Variants in FER1L5 observed in about 807,000 individuals in gnomAD.
FER1L5 encodes fer-1 like family member 5.
FER1L5 carries 187 observed loss-of-function variants against 279.9 expected under a neutral mutation model. The observed-to-expected ratio is 0.67, with a 90% confidence interval of 0.59 to 0.75. FER1L5 has a LOEUF of 0.75. FER1L5 is among the 30% of genes least tolerant of loss of function. FER1L5 has a pLI of 0.00. For missense variants in FER1L5, 2,091 were observed against 2,594.4 expected (o/e 0.81, Z 4.21); for synonymous variants, 921 against 989.7 (o/e 0.93, Z 1.30).
Position 96,702,918 on chromosome 2 carries a change from G to A in FER1L5, c.5398-60G>A. Reference sequence around the variant, plus strand: ...CACTGCTGGGTGGAGGGCCACTGAGGGGTGCAAGGGAAACGTCCAGGAGAC... The same window carrying A: ...CACTGCTGGGTGGAGGGCCACTGAGAGGTGCAAGGGAAACGTCCAGGAGAC... On this transcript the variant is annotated intron_variant, in intron 48 of 52. Transcript: ENST00000624922. This position sits in a 1 kb window ranked among gnomAD's most constrained non-coding sequence, Gnocchi z 4.0. 6.4e-7 allele frequency: 1 copy of A among 1,557,534 alleles called. No individual in the cohort carries two copies. The highest frequency in any genetic ancestry group is 8.7e-7 in the Non-Finnish European group (1 of 1,147,000).
chr2:96,675,068 A>G (rs866664366), intron 19 of FER1L5, among the ~76,000 whole-genome samples: 1 of 152,136 alleles, frequency 6.6e-6, no homozygotes, highest in Non-Finnish European at 1.5e-5. Flanking sequence ...GTCTGTATTC[A>G]TCTGTCTTAA....
intron 19 of FER1L5, among the ~76,000 whole-genome samples, chr2:96,679,709 G>T (rs535786883): frequency 3.3e-5 from 5 of 152,060 alleles, no homozygotes; most frequent in Non-Finnish European, 7.4e-5. Flanking sequence ...TACATCAGAG[G>T]CTCCATTTAT....
chr2:96,700,217 C>T lies in FER1L5; in HGVS notation c.4931-115C>T, dbSNP rs2077540710. The T allele has an allele frequency of 5.1e-6, 8 of 1,558,828 alleles. No homozygotes were observed. The South Asian group carries it at 9.5e-5, about 18-fold the overall frequency. On this transcript the variant is annotated intron_variant, in intron 44 of 52. Coordinates refer to ENST00000624922, the MANE Select transcript of FER1L5 (RefSeq NM_001293083.2). ...AGCTCCCTGGAGCCAAAGAGCAGCC[C>T]ATCCCTTTCCCCTTCACTCCTACCC...
rs1043852037 is a variant in FER1L5 at position 96,685,323 on chromosome 2, G to A, written c.1795-6G>A. ...GCTCTCTCACCATTTCTCTCCTGCT[G>A]GGCAGAAAGCCAACCTGGACACCCT... On this transcript the variant is annotated splice_polypyrimidine_tract_variant and splice_region_variant and intron_variant, in intron 20 of 52. Coordinates refer to ENST00000624922, the MANE Select transcript of FER1L5 (RefSeq NM_001293083.2). The A allele has an allele frequency of 4.5e-6, 7 of 1,551,028 alleles. No homozygotes were observed. In the Admixed American group the frequency reaches 5.9e-5, roughly 13 times the overall value.
intron 18 of FER1L5, among the ~76,000 whole-genome samples, chr2:96,671,754 G>A (rs10184209): frequency 6.6e-6 from 1 of 152,038 alleles, no homozygotes; most frequent in African/African-American, 2.4e-5. Flanking sequence ...TGCAGAAGCG[G>A]TTGGACAGGA....
chr2:96,703,810 T>C (rs985697649), intron 51 of FER1L5, among the ~76,000 whole-genome samples, 178 bp downstream of exon 51: 244 of 24,194 alleles, frequency 0.01, no homozygotes, highest in African/African-American at 0.023. Flanking sequence ...AAAAGTTGCC[T>C]TTTTTTTTTT....
chr2:96,643,011 C>A, intron 1 of FER1L5, 90 bp downstream of exon 1: 1 of 1,086,022 alleles, frequency 9.2e-7, no homozygotes, highest in Non-Finnish European at 1.3e-6. Context: ...CACCCCACTA[C>A]ATAAAAGATG....
intron 9 of FER1L5, among the ~76,000 whole-genome samples, chr2:96,659,291 T>G (rs1002135036): frequency 3.6e-5 from 1 of 27,612 alleles, no homozygotes; most frequent in Non-Finnish European, 1.0e-4. Flanking sequence ...TTATCAAGCT[T>G]TCCTTCCTTC....
At position 96,689,134 on chromosome 2, in the gene FER1L5, CAG is replaced by C. The variant is rs1232093159; in HGVS notation, c.2362-78_2362-77del. ...TTAGGATGCCCCTGCAGCCCAGAGTCAGGGGGCCCAGGGGAGGCCCATGTCCC... is the reference window on the plus strand; with the variant it reads ...TTAGGATGCCCCTGCAGCCCAGAGTCGGGGCCCAGGGGAGGCCCATGTCCC... On this transcript the variant is annotated intron_variant, in intron 24 of 52. Transcript: ENST00000624922. This position sits in a 1 kb window ranked among gnomAD's most constrained non-coding sequence, Gnocchi z 4.6. 1.4e-6 allele frequency: 2 copies of C among 1,459,480 alleles called. No homozygotes were observed. The highest frequency in any genetic ancestry group is 2.9e-5 in the African/African-American group (2 of 69,412). 90.4% of individuals were successfully genotyped at this position (1,459,480 alleles called of 1,614,324 possible). A position where few individuals can be genotyped will look rare whatever the true frequency, so the allele number is the denominator to read the frequency against.
At chr2:96,659,290 T>TGCCTGCCTGCCTTCCTTCC (rs2075732527) in intron 9 of FER1L5, among the ~76,000 whole-genome samples, 6 of 80,944 alleles carry the variant, frequency 7.4e-5, no homozygotes, top group African/African-American at 3.0e-4. Flanking sequence ...TTTATCAAGC[T>TGCCTGCCTGCCTTCCTTCC]TTCCTTCCTT....
In FER1L5 at chr2:96,693,934, G is replaced by A. The variant is rs2077257833; in HGVS notation, c.3498G>A (p.Arg1166=). 1.2e-5 allele frequency: 19 copies of A among 1,551,126 alleles called. No homozygotes were observed. Among genetic ancestry groups the A allele is most frequent in the Non-Finnish European group, 1.6e-5 (18 of 1,146,774 alleles). Residue 1166 remains arginine, a synonymous_variant, in exon 33 of 53, where the codon CGG becomes CGA. Coordinates refer to ENST00000624922, the MANE Select transcript of FER1L5 (RefSeq NM_001293083.2). ...AGGGCAAGGAGAGCTTGTGGGGACG[G>A]AGCGTGTGGCCCCCAATGGTCTGGC... The part of the protein sequence containing the change: ...DFWGKESLWG[R]SVWPPMVWLD...
chr2:96,701,443 TTTC>T (rs906926818), intron 45 of FER1L5, among the ~76,000 whole-genome samples: 1 of 152,198 alleles, frequency 6.6e-6, no homozygotes, highest in African/African-American at 2.4e-5. Flanking sequence ...GTTCTCCCCT[TTTC>T]TTTCCTTTTC....
At chr2:96,700,607 G>A (rs1443303164) in intron 45 of FER1L5, 136 bp downstream of exon 45, 1 of 1,169,142 alleles carries the variant, frequency 8.6e-7, no homozygotes, top group Non-Finnish European at 1.2e-6. Context: ...ATGCACAGAA[G>A]ACAAGCATGC....
Position 96,703,186 on chromosome 2 carries a change from T to C in FER1L5, c.5531T>C (p.Leu1844Pro). ...GAGCTGGATTTGTCTGACATGCCCC[T>C]CCCGGCTCGGCACGCCAAGCAGTGC... The part of the protein sequence containing the change: ...VLELDLSDMP[L>P]PARHAKQCSI... The change falls in exon 50 of 53, where the codon CTC becomes CCC. Residue 1844 changes from leucine (L) to proline (P), a missense_variant. Transcript: ENST00000624922. The C allele has an allele frequency of 6.2e-7, 1 of 1,613,354 alleles. No individual in the cohort carries two copies. The highest frequency in any genetic ancestry group is 1.1e-5 in the South Asian group (1 of 91,000).
chr2:96,659,351 TTCC>T lies in FER1L5; in HGVS notation c.748-988_748-986del, dbSNP rs1558853410. Reference sequence around the variant, plus strand: ...CTTCCTTCCTTCCTTCCTTCCTTCCTTCCTTCCTTCCTTCTTTCTTTCTTTCTT... The same window carrying T: ...CTTCCTTCCTTCCTTCCTTCCTTCCTTTCCTTCCTTCTTTCTTTCTTTCTT... On this transcript the variant is annotated intron_variant, in intron 9 of 52. Transcript: ENST00000624922. 2.3e-4 allele frequency among the ~76,000 whole-genome samples: 18 copies of T among 78,926 alleles called. 1 individual carries two copies. The highest frequency in any genetic ancestry group is 4.7e-4 in the African/African-American group (10 of 21,226). The allele number at this position is 78,926 out of a possible 152,430, so 51.8% of individuals were successfully genotyped here.
intron 7 of FER1L5, 38 bp downstream of exon 7, chr2:96,652,058 A>G (rs1237319608): frequency 5.2e-6 from 8 of 1,550,814 alleles, no homozygotes; most frequent in Non-Finnish European, 2.6e-6. Flanking sequence ...GGAGCCAGCC[A>G]AGGGCTGGGC....
chr2:96,698,779 C>T lies in FER1L5; in HGVS notation c.4465C>T (p.Arg1489Trp), dbSNP rs374240433. 1.9e-5 allele frequency: 29 copies of T among 1,567,002 alleles called. No individual in the cohort carries two copies. Among genetic ancestry groups the T allele is most frequent in the South Asian group, 1.3e-4 (11 of 84,828 alleles). ...REDFPQPCLV[R>W]VYMVRAINLQ... ...GGACTTCCCCCAGCCGTGCTTGGTG[C>T]GGGTGTACATGGTACGAGCCATCAA... The change falls in exon 41 of 53, where the codon CGG becomes TGG. Residue 1489 changes from arginine (R) to tryptophan (W), a missense_variant. Physicochemically the swap from Arg to Trp is moderately radical, Grantham distance 101 (BLOSUM62 -3). Coordinates refer to ENST00000624922, the MANE Select transcript of FER1L5 (RefSeq NM_001293083.2). The surrounding 1 kb of genome is among the most constrained non-coding windows in gnomAD (Gnocchi z 5.5).
rs773291967 is a variant in FER1L5, at chr2:96,697,558, C to T, written c.4116C>T (p.Phe1372=). Residue 1372 remains phenylalanine (F), a synonymous_variant, in exon 38 of 53, where the codon TTC becomes TTT. Coordinates refer to ENST00000624922, the MANE Select transcript of FER1L5 (RefSeq NM_001293083.2). The part of the protein sequence containing the change: ...FLGYLYRKFW[F]KSSKAEDEYE... ...GCTACCTCTACAGAAAGTTCTGGTT[C>T]AAGTCCAGTAAAGCAGAGGTGATGA... 1.7e-5 allele frequency: 27 copies of T among 1,613,718 alleles called. No individual in the cohort carries two copies. Among genetic ancestry groups the T allele is most frequent in the Non-Finnish European group, 2.2e-5 (26 of 1,179,766 alleles).
At chr2:96,671,925 G>A (rs1433973305) in intron 18 of FER1L5, among the ~76,000 whole-genome samples, 3 of 152,142 alleles carry the variant, frequency 2.0e-5, no homozygotes, top group African/African-American at 7.2e-5. Context: ...CCATAGATGG[G>A]AGGGAGAGGT....
Sources: allele counts gnomAD v4.1 joint callset (sites outside exome capture counted in the v4.1 genomes callset), GRCh38; gene constraint gnomAD v4.1.1; non-coding constraint Gnocchi (gnomAD v3.1); transcripts MANE v1.5; gene names NCBI Gene and HGNC (gene_info 2026-07-23, HGNC 2026-07-21).